The following ZFHX4 variants were observed in gnomAD, a reference collection of about 807,000 sequenced individuals.
ZFHX4 encodes zinc finger homeobox 4.
A neutral mutation model predicts 267.6 loss-of-function variants in ZFHX4; 56 were observed. The observed-to-expected ratio is 0.21, with a 90% confidence interval of 0.17 to 0.26. The LOEUF is 0.26. Ranked by LOEUF, ZFHX4 falls within the 10% of genes least tolerant of loss-of-function variation. ZFHX4 has a pLI of 1.00. For synonymous variants in ZFHX4, 1,778 were observed against 1,665.6 expected, an observed-to-expected ratio of 1.07 and a Z score of -1.64; for missense variants, 4,332 against 4,420.0, an observed-to-expected ratio of 0.98 and a Z score of 0.56.
At position 76,855,506 on chromosome 8, in the gene ZFHX4, A is replaced by T; in HGVS notation, c.8585A>T (p.Asp2862Val). 6.2e-6 allele frequency: 10 copies of T among 1,613,828 alleles called. No individual in the cohort carries two copies. The highest frequency in any genetic ancestry group is 8.5e-6 in the Non-Finnish European group (10 of 1,179,864). The part of the protein sequence containing the change: ...ATTPTTEVCD[D>V]KFLFSLTSPS... ...ACACCTACCACGGAGGTCTGCGATGACAAATTTCTCTTTTCTCTCACAAGC... is the reference window on the plus strand; with the variant it reads ...ACACCTACCACGGAGGTCTGCGATGTCAAATTTCTCTTTTCTCTCACAAGC... The change falls in exon 10 of 11, where the codon GAC becomes GTC. Residue 2862 changes from aspartate to valine, a missense_variant. Transcript: ENST00000651372.
intron 3 of ZFHX4, among the ~76,000 whole-genome samples, chr8:76,774,737 AT>A (rs1230409432): frequency 1.3e-5 from 2 of 152,160 alleles, no homozygotes; most frequent in Admixed American, 6.6e-5. Context: ...TATAACACAT[AT>A]TCAGGTCTGT....
At chr8:76,857,073 T>C (rs1033554594) in intron 10 of ZFHX4, among the ~76,000 whole-genome samples, 4 of 152,190 alleles carry the variant, frequency 2.6e-5, no homozygotes, top group Non-Finnish European at 5.9e-5. Flanking sequence ...CAACCTCAGA[T>C]GCTGAATCTA....
At position 76,808,300 on chromosome 8, in the gene ZFHX4, C is replaced by T. The variant is rs531428644; in HGVS notation, c.3326-25038C>T. Among the ~76,000 whole-genome samples, 4 of 152,134 alleles carry T rather than the reference C, an allele frequency of 2.6e-5. No individual in the cohort carries two copies. The South Asian group carries it at 6.2e-4, about 24-fold the overall frequency. ...TAGCCCCTCTTTTTCTAATAGTCACCCAAATAATCTATCTAAACATTCTTC... is the reference window on the plus strand; with the variant it reads ...TAGCCCCTCTTTTTCTAATAGTCACTCAAATAATCTATCTAAACATTCTTC... On this transcript the variant is annotated intron_variant, in intron 4 of 10. Coordinates refer to ENST00000651372, the MANE Select transcript of ZFHX4 (RefSeq NM_024721.5).
intron 4 of ZFHX4, among the ~76,000 whole-genome samples, chr8:76,827,540 T>C (rs1204783768): frequency 6.6e-6 from 1 of 152,024 alleles, no homozygotes; most frequent in Non-Finnish European, 1.5e-5. Flanking sequence ...CAATCAGAAA[T>C]GAAATAGATT....
intron 3 of ZFHX4, among the ~76,000 whole-genome samples, chr8:76,762,542 G>A (rs1332724719): frequency 2.0e-5 from 3 of 152,118 alleles, no homozygotes; most frequent in Admixed American, 6.6e-5. Context: ...GTGAAAGCCA[G>A]GAAATCTGAA....
intron 5 of ZFHX4, among the ~76,000 whole-genome samples, chr8:76,836,773 G>C (rs986783220): frequency 6.6e-6 from 1 of 151,950 alleles, no homozygotes; most frequent in Admixed American, 6.6e-5. Context: ...ATAAATTAAA[G>C]GAACACAAGA....
intron 3 of ZFHX4, among the ~76,000 whole-genome samples, chr8:76,755,233 T>C (rs1585912225): frequency 6.6e-6 from 1 of 152,310 alleles, no homozygotes; most frequent in East Asian, 1.9e-4. Flanking sequence ...CTGAGAATAC[T>C]AGCCCGTTGT....
intron 3 of ZFHX4, among the ~76,000 whole-genome samples, chr8:76,709,637 A>G (rs1808370112): frequency 1.3e-5 from 2 of 152,150 alleles, no homozygotes; most frequent in African/African-American, 4.8e-5. Context: ...CTTTAAATTA[A>G]CATGTTGTGA....
chr8:76,693,519 GTGTGTGTA>G (rs891543463), intron 1 of ZFHX4: 4 of 152,258 alleles, frequency 2.6e-5, no homozygotes, highest in African/African-American at 9.6e-5. Context: ...ATGTGTGCGT[GTGTGTGTA>G]TGTGTGTGTG....
At chr8:76,684,260 A>T (rs568005341) in intron 1 of ZFHX4, among the ~76,000 whole-genome samples, 18 of 152,148 alleles carry the variant, frequency 1.2e-4, no homozygotes, top group Non-Finnish European at 2.6e-4. Flanking sequence ...TCTTAAAAAA[A>T]AAAATCCTTA....
intron 2 of ZFHX4, among the ~76,000 whole-genome samples, chr8:76,707,182 C>A (rs1322252005): frequency 6.6e-6 from 1 of 152,122 alleles, no homozygotes; most frequent in South Asian, 2.1e-4. Context: ...CAATATTAGC[C>A]AAATCTCATC....
At chr8:76,821,881 G>T (rs115870140) in intron 4 of ZFHX4, among the ~76,000 whole-genome samples, 1 of 151,924 alleles carries the variant, frequency 6.6e-6, no homozygotes, top group African/African-American at 2.4e-5. Context: ...CTCAATCATG[G>T]ACCCTCATTC....
At position 76,785,796 on chromosome 8, in the gene ZFHX4, T is replaced by C. The variant is rs1294114014; in HGVS notation, c.3325+7357T>C. ...AAGAATTTAGATTAAGGTGGCACAT[T>C]TTTCTCAATTACGTAGATAGTTCGG... On this transcript the variant is annotated intron_variant, in intron 4 of 10. Transcript: ENST00000651372. 2.0e-5 allele frequency among the ~76,000 whole-genome samples: 3 copies of C among 152,274 alleles called. No homozygotes were observed. In the East Asian group the frequency reaches 5.8e-4, roughly 29 times the overall value.
chr8:76,784,736 C>A (rs1810643708), intron 4 of ZFHX4, among the ~76,000 whole-genome samples: 1 of 152,066 alleles, frequency 6.6e-6, no homozygotes, highest in Non-Finnish European at 1.5e-5. Context: ...CGCAGGCATA[C>A]TGAGAATTAT....
At chr8:76,858,799 C>T (rs957578655) in intron 10 of ZFHX4, among the ~76,000 whole-genome samples, 4 of 152,146 alleles carry the variant, frequency 2.6e-5, no homozygotes, top group African/African-American at 4.8e-5. Context: ...AATATTTCTG[C>T]GTTTCTTACA....
intron 4 of ZFHX4, 72 bp from the exon 5 acceptor site, chr8:76,833,266 T>A (rs973646497): frequency 1.0e-5 from 14 of 1,391,050 alleles, no homozygotes; most frequent in Non-Finnish European, 1.0e-6. Context: ...TTTTGGGTTC[T>A]TGTAATATTA....
chr8:76,741,867 TTAG>T (rs1397142178), intron 3 of ZFHX4, among the ~76,000 whole-genome samples: 2 of 152,230 alleles, frequency 1.3e-5, no homozygotes, highest in African/African-American at 2.4e-5. Flanking sequence ...GACCATGCTC[TTAG>T]CCTTAGCTAT....
intron 4 of ZFHX4, among the ~76,000 whole-genome samples, chr8:76,821,792 A>T (rs184430635): frequency 1.4e-3 from 219 of 152,316 alleles, no homozygotes; most frequent in African/African-American, 4.9e-3. Flanking sequence ...TGTCGATGAT[A>T]AATCACCTCT....
chr8:76,736,262 T>A (rs1472873144), intron 3 of ZFHX4, among the ~76,000 whole-genome samples: 6 of 152,042 alleles, frequency 3.9e-5, no homozygotes. Context: ...ATGGATAAGC[T>A]GTTAAGTCAA....
Sources: allele counts gnomAD v4.1 joint callset (sites outside exome capture counted in the v4.1 genomes callset), GRCh38; gene constraint gnomAD v4.1.1; transcripts MANE v1.5; gene names NCBI Gene and HGNC (gene_info 2026-07-23, HGNC 2026-07-21).